The following PLA2R1 variants were observed in gnomAD, a reference collection of about 807,000 sequenced individuals.
PLA2R1 encodes phospholipase A2 receptor 1.
PLA2R1 carries 158 observed loss-of-function variants against 195.9 expected under a neutral mutation model. The observed-to-expected ratio is 0.81, with a 90% CI of 0.71 to 0.92. PLA2R1 has a LOEUF of 0.92. Among genes scored for constraint, PLA2R1 ranks in the 40% least tolerant of loss-of-function variants. The pLI is 0.00. For synonymous variants in PLA2R1, 586 were observed against 598.2 expected (o/e 0.98, Z 0.30); for missense variants, 1,626 against 1,764.6 (o/e 0.92, Z 1.41).
At chr2:160,025,242 A>G (rs1461544920) in intron 6 of PLA2R1, among the ~76,000 whole-genome samples, 3 of 152,128 alleles carry the variant, frequency 2.0e-5, no homozygotes, top group Non-Finnish European at 2.9e-5. Context: ...CATGGCTGTA[A>G]TCCCAGCACT....
chr2:160,049,089 C>G (rs1479976974), intron 1 of PLA2R1, among the ~76,000 whole-genome samples: 1 of 152,096 alleles, frequency 6.6e-6, no homozygotes. Flanking sequence ...GATCCGCCCG[C>G]CTCGGCCTCC....
chr2:160,014,234 C>CTTT (rs5835787), intron 9 of PLA2R1, among the ~76,000 whole-genome samples: 1 of 129,428 alleles, frequency 7.7e-6, no homozygotes, highest in Non-Finnish European at 1.7e-5. Context: ...CTTTTTCTTT[C>CTTT]TTTTTTTTTT....
At chr2:159,970,685 A>G (rs1689099191) in intron 17 of PLA2R1, among the ~76,000 whole-genome samples, 1 of 152,198 alleles carries the variant, frequency 6.6e-6, no homozygotes, top group Admixed American at 6.5e-5. Context: ...TTTAAGCAGT[A>G]TAAGCTTTCC....
chr2:160,012,115 A>G (rs1315964210), intron 10 of PLA2R1, among the ~76,000 whole-genome samples: 1 of 152,176 alleles, frequency 6.6e-6, no homozygotes, highest in African/African-American at 2.4e-5. Flanking sequence ...TCATACAGGA[A>G]TTCCTCTACA....
intron 11 of PLA2R1, among the ~76,000 whole-genome samples, chr2:159,987,768 G>C (rs947236932): frequency 6.6e-6 from 1 of 152,150 alleles, no homozygotes; most frequent in African/African-American, 2.4e-5. Context: ...GGGGAAAATA[G>C]GTGAATAACA....
chr2:160,011,943 AGTGT>A (rs567739780), intron 10 of PLA2R1, among the ~76,000 whole-genome samples: 1 of 109,248 alleles, frequency 9.2e-6, no homozygotes. Context: ...AATCCATTTG[AGTGT>A]GTGTGTGTGT....
chr2:160,041,902 A>G (rs1694543050), intron 3 of PLA2R1, 123 bp downstream of exon 3: 1 of 729,584 alleles, frequency 1.4e-6, no homozygotes, highest in Non-Finnish European at 2.3e-6. Context: ...CTGTGTTAAT[A>G]GCATCAGGGT....
At chr2:160,054,792 A>G (rs1229039018) in intron 1 of PLA2R1, among the ~76,000 whole-genome samples, 1 of 152,136 alleles carries the variant, frequency 6.6e-6, no homozygotes, top group Non-Finnish European at 1.5e-5. Context: ...GCTTTGATCA[A>G]TTCAAAATAT....
chr2:160,013,127 A>G, intron 10 of PLA2R1, 136 bp downstream of exon 10: 1 of 419,652 alleles, frequency 2.4e-6, no homozygotes, highest in Non-Finnish European at 4.3e-6. Context: ...ATCTCAATAA[A>G]TAACTTAAAT....
chr2:160,036,683 A>G (rs1236058729), intron 3 of PLA2R1, among the ~76,000 whole-genome samples: 1 of 152,076 alleles, frequency 6.6e-6, no homozygotes, highest in Non-Finnish European at 1.5e-5. Context: ...GAAGGAGGGG[A>G]ATCTTGAAGA....
At chr2:159,947,947 A>G (rs768309645) in intron 25 of PLA2R1, among the ~76,000 whole-genome samples, 1 of 152,248 alleles carries the variant, frequency 6.6e-6, no homozygotes, top group Non-Finnish European at 1.5e-5. Flanking sequence ...TATGCATTTC[A>G]TGCAGTGCTG....
At chr2:159,944,441 G>A (rs1995951) in intron 28 of PLA2R1, among the ~76,000 whole-genome samples, 26,845 of 152,042 alleles carry the variant, frequency 0.18, 2,744 homozygotes, top group South Asian at 0.42. Flanking sequence ...GTATGTTACT[G>A]ATGATTAAGT....
chr2:159,944,203 GC>G (rs1408275047), intron 28 of PLA2R1, among the ~76,000 whole-genome samples: 1 of 152,080 alleles, frequency 6.6e-6, no homozygotes, highest in Non-Finnish European at 1.5e-5. Context: ...ATCAGGCTGG[GC>G]CTTTTCCTCC....
intron 11 of PLA2R1, among the ~76,000 whole-genome samples, chr2:159,996,895 C>G (rs1332204092): frequency 6.6e-6 from 1 of 152,012 alleles, no homozygotes; most frequent in African/African-American, 2.4e-5. Flanking sequence ...TTCTTAGACT[C>G]TCCACCTCTT....
downstream of PLA2R1, among the ~76,000 whole-genome samples, chr2:159,931,613 G>A (rs1245234379): frequency 1.3e-5 from 2 of 152,156 alleles, no homozygotes; most frequent in African/African-American, 4.8e-5. Flanking sequence ...GAGTGCAGTG[G>A]TGCAATCACA....
intron 1 of PLA2R1, among the ~76,000 whole-genome samples, chr2:160,048,888 T>C (rs965095859): frequency 2.0e-5 from 3 of 148,510 alleles, no homozygotes; most frequent in African/African-American, 7.5e-5. Context: ...TCACCCAGGC[T>C]GGAGTGCAGT....
At chr2:160,019,150 G>A (rs1692944928) in intron 8 of PLA2R1, among the ~76,000 whole-genome samples, 2 of 152,348 alleles carry the variant, frequency 1.3e-5, no homozygotes, top group Admixed American at 6.5e-5. Flanking sequence ...TGAATGTGAT[G>A]TTCAGGCTAC....
chr2:159,927,044 G>T (rs894059762), downstream of PLA2R1, among the ~76,000 whole-genome samples: 1 of 152,170 alleles, frequency 6.6e-6, no homozygotes, highest in Non-Finnish European at 1.5e-5. Flanking sequence ...AAACTAGAGG[G>T]CAAGGACACC....
At chr2:159,959,660 G>A (rs1406607434) in intron 20 of PLA2R1, among the ~76,000 whole-genome samples, 1 of 152,068 alleles carries the variant, frequency 6.6e-6, no homozygotes, top group Non-Finnish European at 1.5e-5. Context: ...ATGAAATTCA[G>A]TTCCCTCCAA....
Sources: gnomAD v4.1 joint callset for allele counts (sites outside exome capture counted in the v4.1 genomes callset) on GRCh38, gnomAD v4.1.1 for gene constraint, MANE v1.5 for transcripts, NCBI Gene and HGNC (gene_info 2026-07-23, HGNC 2026-07-21) for gene names.